The following SYCP1 variants were observed in gnomAD, a reference collection of about 807,000 sequenced individuals.
SYCP1 encodes the protein cancer/testis antigen 8.
SYCP1 carries 64 observed loss-of-function variants against 153.1 expected under a neutral mutation model. The ratio of observed to expected loss-of-function variants is 0.42; its 90% CI spans 0.34 to 0.51. SYCP1 has a LOEUF of 0.51. Ranked by LOEUF, SYCP1 falls within the 20% of genes least tolerant of loss-of-function variation. The pLI, the probability that SYCP1 is intolerant of heterozygous loss-of-function variation, is 0.06. For missense variants in SYCP1, 997 were observed against 1,049.0 expected (o/e 0.95, Z 0.68); for synonymous variants, 384 against 341.8 (o/e 1.12, Z -1.36).
chr1:114,966,625 G>A (rs777312476), intron 27 of SYCP1, among the ~76,000 whole-genome samples: 1 of 150,370 alleles, frequency 6.7e-6, no homozygotes, highest in African/African-American at 2.4e-5. Flanking sequence ...TCAGGAGCAG[G>A]TTGTTTAGTT....
chr1:114,935,469 T>A (rs1448766603), intron 23 of SYCP1, among the ~76,000 whole-genome samples: 1 of 152,072 alleles, frequency 6.6e-6, no homozygotes, highest in African/African-American at 2.4e-5. Context: ...GATCTAAAAT[T>A]GACACCCTAA....
chr1:114,856,682 T>C (rs766821145), intron 3 of SYCP1, 25 bp downstream of exon 3: 181 of 1,532,858 alleles, frequency 1.2e-4, no homozygotes, highest in Non-Finnish European at 1.6e-4. Flanking sequence ...AAGCAGTGTA[T>C]CAGCTTATAT....
chr1:114,988,094 A>T (rs1293552259), intron 30 of SYCP1, among the ~76,000 whole-genome samples: 3 of 149,192 alleles, frequency 2.0e-5, no homozygotes, highest in African/African-American at 7.5e-5. Flanking sequence ...AAAAAAAAAA[A>T]AAGAAAAAGA....
intron 30 of SYCP1, among the ~76,000 whole-genome samples, chr1:114,990,306 A>T (rs779883815): frequency 2.0e-5 from 3 of 152,032 alleles, no homozygotes; most frequent in African/African-American, 4.8e-5. Context: ...TGAAAAGGAC[A>T]ACACAATATA....
intron 13 of SYCP1, among the ~76,000 whole-genome samples, 193 bp downstream of exon 13, chr1:114,885,822 A>T (rs890000032): frequency 1.3e-5 from 2 of 152,210 alleles, no homozygotes; most frequent in Admixed American, 1.3e-4. Context: ...ATTAAAATAC[A>T]AGACCCTGGA....
intron 30 of SYCP1, among the ~76,000 whole-genome samples, chr1:114,992,844 C>T (rs1002585707): frequency 9.3e-5 from 14 of 151,156 alleles, no homozygotes; most frequent in African/African-American, 3.2e-4. Context: ...AGTGAAAAGA[C>T]AAGGTAAATA....
intron 15 of SYCP1, among the ~76,000 whole-genome samples, chr1:114,891,736 C>T (rs532270700): frequency 6.6e-6 from 1 of 152,236 alleles, no homozygotes; most frequent in African/African-American, 2.4e-5. Flanking sequence ...CTAGTAGGTT[C>T]TATTGCTTCT....
intron 20 of SYCP1, among the ~76,000 whole-genome samples, chr1:114,921,938 C>T (rs1342105087): frequency 6.6e-6 from 1 of 151,932 alleles, no homozygotes; most frequent in Non-Finnish European, 1.5e-5. Flanking sequence ...AAGTTTTTTC[C>T]TTCAGCACTT....
chr1:114,926,223 C>A, intron 21 of SYCP1, 55 bp from the exon 22 acceptor site: 3 of 1,281,708 alleles, frequency 2.3e-6, no homozygotes, highest in Non-Finnish European at 3.1e-6. Context: ...TCTGAAATTG[C>A]CTGTTTCAAC....
intron 27 of SYCP1, among the ~76,000 whole-genome samples, chr1:114,960,163 GTT>G (rs757126453): frequency 3.7e-5 from 4 of 109,476 alleles, no homozygotes; most frequent in African/African-American, 7.8e-5. Context: ...TAGTTTGCTT[GTT>G]TTTTTTTTTT....
intron 23 of SYCP1, among the ~76,000 whole-genome samples, chr1:114,931,916 A>AG (rs1669657937): frequency 1.3e-5 from 2 of 152,194 alleles, no homozygotes; most frequent in Admixed American, 1.3e-4. Flanking sequence ...CTAAATGTAC[A>AG]GACTGTTAAT....
chr1:114,974,058 C>T (rs765284695), intron 27 of SYCP1, among the ~76,000 whole-genome samples: 4 of 151,698 alleles, frequency 2.6e-5, no homozygotes, highest in Admixed American at 2.0e-4. Flanking sequence ...TATTGTGACC[C>T]TCACTTTCTT....
chr1:114,984,964 C>G, intron 30 of SYCP1, 96 bp downstream of exon 30: 1 of 573,572 alleles, frequency 1.7e-6, no homozygotes, highest in Non-Finnish European at 2.5e-6. Context: ...TACATAGTAC[C>G]TACCATTGCA....
intron 12 of SYCP1, 115 bp from the exon 13 acceptor site, chr1:114,885,420 C>T: frequency 1.7e-6 from 1 of 579,500 alleles, no homozygotes; most frequent in Non-Finnish European, 3.0e-6. Flanking sequence ...ATATTTTCTT[C>T]TCATTTTGGA....
At chr1:114,962,027 G>A (rs1000710052) in intron 27 of SYCP1, among the ~76,000 whole-genome samples, 6 of 149,078 alleles carry the variant, frequency 4.0e-5, no homozygotes, top group Non-Finnish European at 8.9e-5. Flanking sequence ...GCCCAGGCTG[G>A]AGTGCAGTGA....
At chr1:114,916,439 ATAT>A (rs1277761934) in intron 20 of SYCP1, among the ~76,000 whole-genome samples, 3 of 152,138 alleles carry the variant, frequency 2.0e-5, no homozygotes, top group East Asian at 3.8e-4. Flanking sequence ...AATACAACAA[ATAT>A]TATATGAAAA....
chr1:114,869,193 GT>G (rs1344442711), intron 8 of SYCP1, among the ~76,000 whole-genome samples: 2 of 152,058 alleles, frequency 1.3e-5, no homozygotes, highest in South Asian at 4.2e-4. Flanking sequence ...TTCCCTCTCA[GT>G]TTTTCCTGTA....
At chr1:114,986,672 A>G (rs968128451) in intron 30 of SYCP1, among the ~76,000 whole-genome samples, 12 of 152,040 alleles carry the variant, frequency 7.9e-5, no homozygotes, top group African/African-American at 2.7e-4. Context: ...TCAAATTATA[A>G]AAATTAAGAT....
intron 23 of SYCP1, among the ~76,000 whole-genome samples, chr1:114,928,639 A>G (rs941232004): frequency 2.6e-5 from 4 of 152,220 alleles, no homozygotes; most frequent in Non-Finnish European, 5.9e-5. Context: ...GGCTGCTTAA[A>G]GGAAAACAAA....
Sources: allele counts gnomAD v4.1 joint callset (sites outside exome capture counted in the v4.1 genomes callset), GRCh38; gene constraint gnomAD v4.1.1; transcripts MANE v1.5; gene names NCBI Gene and HGNC (gene_info 2026-07-23, HGNC 2026-07-21).